The following UNC5C variants were observed in gnomAD, a reference collection of about 807,000 sequenced individuals.
UNC5C encodes unc-5 netrin receptor C.
In UNC5C, 47 loss-of-function variants were observed where a neutral mutation model predicts 99.8. The ratio of observed to expected loss-of-function variants is 0.47; its 90% confidence interval spans 0.37 to 0.60. The LOEUF is 0.60. Among genes scored for constraint, UNC5C ranks in the 20% least tolerant of loss-of-function variants. The pLI, the probability that UNC5C is intolerant of heterozygous loss-of-function variation, is 0.00. For synonymous variants in UNC5C, 487 were observed against 452.2 expected, an observed-to-expected ratio of 1.08 and a Z score of -0.98; for missense variants, 1,062 against 1,165.9, an observed-to-expected ratio of 0.91 and a Z score of 1.30.
chr4:95,180,196 C>T (rs1198077505), intron 14 of UNC5C, among the ~76,000 whole-genome samples: 2 of 152,162 alleles, frequency 1.3e-5, no homozygotes, highest in African/African-American at 2.4e-5. Context: ...TATTCTATAC[C>T]AATTTACAAT....
intron 2 of UNC5C, among the ~76,000 whole-genome samples, chr4:95,303,296 G>T (rs1037548312): frequency 6.6e-6 from 1 of 152,180 alleles, no homozygotes; most frequent in Non-Finnish European, 1.5e-5. Flanking sequence ...TGGAGGTGGG[G>T]TCCAGCAATC....
chr4:95,189,501 A>C (rs1167188037), intron 12 of UNC5C, among the ~76,000 whole-genome samples: 3 of 152,204 alleles, frequency 2.0e-5, no homozygotes, highest in Admixed American at 6.5e-5. Flanking sequence ...GGATCTAATT[A>C]AACTAAAGAG....
intron 1 of UNC5C, among the ~76,000 whole-genome samples, chr4:95,510,544 C>T (rs992461684): frequency 2.0e-5 from 3 of 152,002 alleles, no homozygotes; most frequent in South Asian, 2.1e-4. Flanking sequence ...GTTCTCTCTT[C>T]ATATACACAT....
chr4:95,165,746 A>C lies in UNC5C; in HGVS notation c.*3488T>G, dbSNP rs573586947. The stretch of plus-strand genomic sequence containing the variant: ...ATTTCTTTCTAAGCAGATACTTCTT[A>C]CATTTCCAAAGATAAATATTAAGGA... On this transcript the variant is annotated 3_prime_UTR_variant, in exon 16 of 16. Coordinates refer to ENST00000453304, the MANE Select transcript of UNC5C (RefSeq NM_003728.4). The C allele has an allele frequency of 1.6e-3, 240 of 152,346 alleles. No homozygotes were observed. The highest frequency in any genetic ancestry group is 5.6e-3 in the African/African-American group (233 of 41,582). 9.4% of individuals were successfully genotyped at this position (152,346 alleles called of 1,614,324 possible).
chr4:95,232,280 A>G (rs961058686), intron 7 of UNC5C, among the ~76,000 whole-genome samples: 26 of 150,428 alleles, frequency 1.7e-4, no homozygotes, highest in Non-Finnish European at 3.0e-5. Flanking sequence ...AACATATTAT[A>G]TATGTTTTAT....
At chr4:95,543,117 C>A (rs1490195587) in intron 1 of UNC5C, among the ~76,000 whole-genome samples, 1 of 151,954 alleles carries the variant, frequency 6.6e-6, no homozygotes, top group Non-Finnish European at 1.5e-5. Context: ...ATTCATGTAG[C>A]CCTCCTCCAC....
At chr4:95,523,844 A>G (rs1227856412) in intron 1 of UNC5C, among the ~76,000 whole-genome samples, 1 of 152,188 alleles carries the variant, frequency 6.6e-6, no homozygotes, top group Non-Finnish European at 1.5e-5. Flanking sequence ...TCCCCTAATA[A>G]AAATTTTAAA....
chr4:95,206,576 T>C, intron 11 of UNC5C, 52 bp downstream of exon 11: 2 of 1,608,620 alleles, frequency 1.2e-6, no homozygotes, highest in Non-Finnish European at 1.7e-6. Context: ...TTGCTCCTGC[T>C]TATCTGCATG....
chr4:95,326,903 G>T (rs1193659427), intron 2 of UNC5C, among the ~76,000 whole-genome samples: 1 of 152,084 alleles, frequency 6.6e-6, no homozygotes, highest in East Asian at 1.9e-4. Context: ...TAGTCTCAAG[G>T]TAATGTAGCT....
chr4:95,432,447 C>A (rs1746659365), intron 1 of UNC5C, among the ~76,000 whole-genome samples: 2 of 152,066 alleles, frequency 1.3e-5, no homozygotes, highest in Non-Finnish European at 2.9e-5. Context: ...TTTCCAAATG[C>A]TAAACTATTT....
At chr4:95,475,543 A>G (rs919005735) in intron 1 of UNC5C, among the ~76,000 whole-genome samples, 1 of 152,040 alleles carries the variant, frequency 6.6e-6, no homozygotes, top group African/African-American at 2.4e-5. Flanking sequence ...AGATAGACAG[A>G]CAGATGGATA....
chr4:95,429,302 CA>C (rs34733638), intron 1 of UNC5C, among the ~76,000 whole-genome samples: 8 of 137,058 alleles, frequency 5.8e-5, no homozygotes, highest in Admixed American at 2.8e-4. Flanking sequence ...AAAAAACAAA[CA>C]AAAAAAACAA....
chr4:95,224,729 A>G (rs1738611557), intron 7 of UNC5C, among the ~76,000 whole-genome samples: 1 of 152,220 alleles, frequency 6.6e-6, no homozygotes, highest in African/African-American at 2.4e-5. Context: ...TTAACAGAAA[A>G]TAAGCAAGTA....
At chr4:95,485,722 G>A (rs1721308968) in intron 1 of UNC5C, among the ~76,000 whole-genome samples, 1 of 151,648 alleles carries the variant, frequency 6.6e-6, no homozygotes, top group Non-Finnish European at 1.5e-5. Context: ...AAGTTGTTTT[G>A]ATCAAAGTTT....
At chr4:95,187,325 A>G (rs1444838896) in intron 12 of UNC5C, among the ~76,000 whole-genome samples, 9 of 152,230 alleles carry the variant, frequency 5.9e-5, no homozygotes, top group Non-Finnish European at 4.4e-5. Context: ...CTAAAGAGCA[A>G]TCGATAGTAA....
At chr4:95,332,288 G>A (rs905588626) in intron 2 of UNC5C, among the ~76,000 whole-genome samples, 1 of 150,822 alleles carries the variant, frequency 6.6e-6, no homozygotes, top group Non-Finnish European at 1.5e-5. Context: ...AAAGAACAAA[G>A]CTGGAGGCAT....
chr4:95,362,267 C>G (rs992517761), intron 1 of UNC5C, among the ~76,000 whole-genome samples: 13 of 152,270 alleles, frequency 8.5e-5, no homozygotes, highest in Admixed American at 6.5e-4. Context: ...TCGGAGCGTT[C>G]CAATCCTCTG....
chr4:95,496,005 A>G (rs1433994691), intron 1 of UNC5C, among the ~76,000 whole-genome samples: 2 of 151,808 alleles, frequency 1.3e-5, no homozygotes, highest in Non-Finnish European at 1.5e-5. Context: ...GGTGTTTTAC[A>G]TACGTTATCC....
chr4:95,278,092 TAATCAGTTCCC>T (rs1409123167), intron 4 of UNC5C, among the ~76,000 whole-genome samples, 156 bp downstream of exon 4: 1 of 152,236 alleles, frequency 6.6e-6, no homozygotes, highest in Admixed American at 6.5e-5. Flanking sequence ...CCCAAGTCAT[TAATCAGTTCCC>T]AATCAATCTA....
Sources: gnomAD v4.1 joint callset for allele counts (sites outside exome capture counted in the v4.1 genomes callset) on GRCh38, gnomAD v4.1.1 for gene constraint, MANE v1.5 for transcripts, NCBI Gene and HGNC (gene_info 2026-07-23, HGNC 2026-07-21) for gene names.